ITPK1: variants seen among roughly 807,000 people sequenced by gnomAD.
ITPK1 encodes inositol 1,3,4-trisphosphate 5/6-kinase.
ITPK1 carries 21 observed loss-of-function variants against 45.3 expected under a neutral mutation model. That is an observed-to-expected ratio of 0.46 (90% CI 0.33 to 0.67). The LOEUF is 0.67. ITPK1 is among the 30% of genes least tolerant of loss of function. ITPK1 has a pLI of 0.02. For missense variants in ITPK1, 474 were observed against 573.5 expected (o/e 0.83, Z 1.77); for synonymous variants, 258 against 253.6 (o/e 1.02, Z -0.16).
intron 2 of ITPK1, among the ~76,000 whole-genome samples, chr14:93,093,332 C>T (rs564284981): frequency 3.3e-5 from 5 of 152,360 alleles, no homozygotes; most frequent in Non-Finnish European, 7.3e-5. Context: ...GCGGCCAGGC[C>T]GTTTCGGCCC....
At chr14:93,050,781 A>G (rs1360831122) in intron 3 of ITPK1, among the ~76,000 whole-genome samples, 1 of 152,008 alleles carries the variant, frequency 6.6e-6, no homozygotes, top group Non-Finnish European at 1.5e-5. Flanking sequence ...TGACCTACCG[A>G]GACCTCCAGT....
intron 5 of ITPK1, among the ~76,000 whole-genome samples, chr14:92,973,479 G>A (rs535431776): frequency 5.9e-5 from 9 of 152,344 alleles, no homozygotes; most frequent in Admixed American, 2.6e-4. Context: ...GAGCCTGGCC[G>A]GCCCATCTGT....
chr14:93,047,015 A>T (rs1196122876), intron 3 of ITPK1, among the ~76,000 whole-genome samples: 1 of 152,126 alleles, frequency 6.6e-6, no homozygotes, highest in Non-Finnish European at 1.5e-5. Flanking sequence ...CCTCCTGCAG[A>T]GTTAAAGAAT....
Position 93,115,018 on chromosome 14 carries a change from A to G in ITPK1, c.95+51T>C, listed in dbSNP as rs536256162. ...CTGCACCGGGCTCGGGCCGGGGGTC[A>G]CCGGGCTCGGGCCGGGGGTCCCCGG... On this transcript the variant is annotated intron_variant, in intron 2 of 10. Coordinates refer to ENST00000267615, the MANE Select transcript of ITPK1 (RefSeq NM_014216.6). 2.6e-6 allele frequency: 3 copies of G among 1,148,886 alleles called. No individual in the cohort carries two copies. In the African/African-American group the frequency reaches 4.8e-5, roughly 18 times the overall value. 71.2% of individuals were successfully genotyped at this position (1,148,886 alleles called of 1,614,324 possible).
chr14:93,009,550 G>A (rs1244333449), intron 4 of ITPK1, among the ~76,000 whole-genome samples: 2 of 152,346 alleles, frequency 1.3e-5, no homozygotes, highest in East Asian at 1.9e-4. Context: ...CACCCTCCCC[G>A]AAGCAGAAAG....
chr14:92,951,652 A>G (rs1887958201), intron 9 of ITPK1, among the ~76,000 whole-genome samples: 1 of 152,192 alleles, frequency 6.6e-6, no homozygotes, highest in Non-Finnish European at 1.5e-5. Context: ...GAGAAGGGTC[A>G]GCACACCTTC....
At chr14:93,111,690 G>A (rs1189164348) in intron 2 of ITPK1, among the ~76,000 whole-genome samples, 6 of 137,688 alleles carry the variant, frequency 4.4e-5, no homozygotes, top group Non-Finnish European at 6.1e-5. Flanking sequence ...CAGGCTGGGC[G>A]ACAAAGCGAG....
chr14:93,095,349 C>T (rs1172346333), intron 2 of ITPK1, among the ~76,000 whole-genome samples: 1 of 152,168 alleles, frequency 6.6e-6, no homozygotes, highest in Non-Finnish European at 1.5e-5. Context: ...TTAAGAAGTG[C>T]TTTTTTTATC....
At chr14:93,007,766 A>G (rs1306404551) in intron 4 of ITPK1, among the ~76,000 whole-genome samples, 1 of 152,170 alleles carries the variant, frequency 6.6e-6, no homozygotes, top group Non-Finnish European at 1.5e-5. Context: ...CATCCTCTTC[A>G]GTGGCTGCGG....
At chr14:93,033,778 T>C (rs1889180471) in intron 3 of ITPK1, among the ~76,000 whole-genome samples, 1 of 150,606 alleles carries the variant, frequency 6.6e-6, no homozygotes, top group Non-Finnish European at 1.5e-5. Flanking sequence ...GAGAACGGAG[T>C]GTGTGAATGT....
intron 3 of ITPK1, among the ~76,000 whole-genome samples, chr14:93,025,905 A>T (rs1245907925): frequency 1.3e-5 from 2 of 152,172 alleles, no homozygotes; most frequent in Non-Finnish European, 2.9e-5. Context: ...AGGCAGGTGG[A>T]TCGCCTGAGT....
intron 9 of ITPK1, among the ~76,000 whole-genome samples, chr14:92,951,110 C>T (rs1409084924): frequency 6.6e-6 from 1 of 152,232 alleles, no homozygotes; most frequent in Non-Finnish European, 1.5e-5. Flanking sequence ...GAGGAAGAGA[C>T]CAGCAAAGCC....
chr14:93,103,341 C>T (rs1418882751), intron 2 of ITPK1, among the ~76,000 whole-genome samples: 5 of 151,822 alleles, frequency 3.3e-5, no homozygotes, highest in Non-Finnish European at 1.5e-5. Context: ...ATCGCTTGAA[C>T]CCGGGAGGCA....
At chr14:92,995,843 A>G (rs1289221188) in intron 4 of ITPK1, among the ~76,000 whole-genome samples, 1 of 152,206 alleles carries the variant, frequency 6.6e-6, no homozygotes, top group African/African-American at 2.4e-5. Context: ...GGTTTTATCT[A>G]GAGCTGCCCT....
At chr14:93,082,969 A>T (rs1352759580) in intron 2 of ITPK1, among the ~76,000 whole-genome samples, 1 of 152,196 alleles carries the variant, frequency 6.6e-6, no homozygotes, top group Non-Finnish European at 1.5e-5. Context: ...AGCCAGCTAA[A>T]GCTTTCTGTC....
rs141736292 is a variant in ITPK1 at position 92,952,257 on chromosome 14, A to T, written c.671-244T>A. On this transcript the variant is annotated intron_variant, in intron 8 of 10. Transcript: ENST00000267615. The stretch of plus-strand genomic sequence containing the variant: ...ATGTAATGAGCTGACCTCTGCTACC[A>T]TCTCACAGCATCACATCTGGTTTTC... Among the ~76,000 whole-genome samples the T allele has an allele frequency of 3.7e-3, 558 of 152,204 alleles. 1 individual carries two copies. Among genetic ancestry groups the T allele is most frequent in the African/African-American group, 0.013 (539 of 41,526 alleles).
At chr14:92,978,219 G>T (rs1373849087) in intron 5 of ITPK1, among the ~76,000 whole-genome samples, 1 of 151,918 alleles carries the variant, frequency 6.6e-6, no homozygotes, top group Non-Finnish European at 1.5e-5. Flanking sequence ...GATGGTTTAG[G>T]GTATCTGGTG....
intron 10 of ITPK1, among the ~76,000 whole-genome samples, chr14:92,944,327 C>T (rs1379076458): frequency 1.3e-5 from 2 of 152,084 alleles, no homozygotes; most frequent in African/African-American, 4.8e-5. Context: ...CTGCCAGAGC[C>T]CTGGGCCTCT....
At chr14:93,055,936 A>T (rs1051980608) in intron 3 of ITPK1, among the ~76,000 whole-genome samples, 5 of 152,126 alleles carry the variant, frequency 3.3e-5, no homozygotes, top group Admixed American at 6.5e-5. Context: ...CAGCCGGGGC[A>T]CCCAGTGAGG....
Sources: allele counts gnomAD v4.1 joint callset (sites outside exome capture counted in the v4.1 genomes callset), GRCh38; gene constraint gnomAD v4.1.1; transcripts MANE v1.5; gene names NCBI Gene and HGNC (gene_info 2026-07-23, HGNC 2026-07-21).